Variants in ITFG1 observed in about 807,000 individuals in gnomAD.
The protein encoded by ITFG1 is integrin alpha FG-GAP repeat containing 1, also known as T-cell immunomodulatory protein.
Under a neutral mutation model 81.8 loss-of-function variants are expected in ITFG1, and 34 were observed. The ratio of observed to expected loss-of-function variants is 0.42; its 90% CI spans 0.32 to 0.55. The LOEUF is 0.55. Ranked by LOEUF, ITFG1 falls within the 20% of genes least tolerant of loss-of-function variation. The pLI, the probability that ITFG1 is intolerant of heterozygous loss-of-function variation, is 0.17. For synonymous variants in ITFG1, 285 were observed against 270.6 expected (o/e 1.05, Z -0.52); for missense variants, 672 against 755.4 (o/e 0.89, Z 1.29).
At chr16:47,351,317 G>A (rs918659352) in intron 8 of ITFG1, among the ~76,000 whole-genome samples, 11 of 152,160 alleles carry the variant, frequency 7.2e-5, no homozygotes, top group South Asian at 2.1e-4. Context: ...AAACCCCATC[G>A]TCTCAGCCTA....
At chr16:47,350,646 C>T (rs1967938113) in intron 8 of ITFG1, among the ~76,000 whole-genome samples, 1 of 152,310 alleles carries the variant, frequency 6.6e-6, no homozygotes, top group Admixed American at 6.5e-5. Context: ...CAAGGAGGAG[C>T]TGGTACCATT....
intron 14 of ITFG1, among the ~76,000 whole-genome samples, chr16:47,185,256 C>T (rs1279275594): frequency 2.0e-5 from 3 of 152,180 alleles, no homozygotes; most frequent in Non-Finnish European, 4.4e-5. Flanking sequence ...AGGAATTGAA[C>T]TCAGCTCTGC....
chr16:47,297,497 T>C (rs997974878), intron 10 of ITFG1, among the ~76,000 whole-genome samples: 3 of 152,186 alleles, frequency 2.0e-5, no homozygotes, highest in Admixed American at 6.5e-5. Flanking sequence ...TTAGAATTCC[T>C]TTGAGTATTC....
At chr16:47,438,133 G>A (rs1454150016) in intron 5 of ITFG1, among the ~76,000 whole-genome samples, 1 of 152,208 alleles carries the variant, frequency 6.6e-6, no homozygotes, top group East Asian at 1.9e-4. Flanking sequence ...CGAGGCTGGG[G>A]TAGGGGCGCC....
At chr16:47,457,788 AT>A (rs1969472975) in intron 2 of ITFG1, among the ~76,000 whole-genome samples, 1 of 152,018 alleles carries the variant, frequency 6.6e-6, no homozygotes, top group Admixed American at 6.6e-5. Flanking sequence ...TTAATTTCTA[AT>A]AAAAAAAAAA....
intron 6 of ITFG1, among the ~76,000 whole-genome samples, chr16:47,376,725 C>T (rs191717584): frequency 7.0e-4 from 106 of 152,174 alleles, no homozygotes; most frequent in African/African-American, 1.8e-3. Flanking sequence ...CTGTGGCTCA[C>T]GCCTATAATC....
intron 14 of ITFG1, among the ~76,000 whole-genome samples, chr16:47,175,338 AT>A (rs1227802989): frequency 6.6e-6 from 1 of 150,692 alleles, no homozygotes; most frequent in African/African-American, 2.4e-5. Context: ...AATTAATTAT[AT>A]TAATACATAA....
chr16:47,330,906 T>C (rs901354897), intron 8 of ITFG1, among the ~76,000 whole-genome samples: 39 of 152,248 alleles, frequency 2.6e-4, no homozygotes, highest in African/African-American at 8.2e-4. Context: ...CTGTGGAAAG[T>C]AGCTTGGAGA....
chr16:47,411,550 C>A (rs1469041904), intron 6 of ITFG1, among the ~76,000 whole-genome samples: 1 of 152,146 alleles, frequency 6.6e-6, no homozygotes, highest in Non-Finnish European at 1.5e-5. Flanking sequence ...TGACCTACTG[C>A]ATGAACAGAC....
chr16:47,324,432 C>A (rs567629473), intron 8 of ITFG1, among the ~76,000 whole-genome samples: 91 of 152,196 alleles, frequency 6.0e-4, no homozygotes, highest in Non-Finnish European at 1.1e-3. Flanking sequence ...CATCAACTAA[C>A]AAGCAAAATA....
At chr16:47,222,514 C>T (rs547079258) in intron 13 of ITFG1, among the ~76,000 whole-genome samples, 263 of 151,542 alleles carry the variant, frequency 1.7e-3, no homozygotes, top group Admixed American at 2.4e-3. Flanking sequence ...CCCAGGTTCA[C>T]GCCATTCTCC....
In ITFG1 at chr16:47,454,146, T is replaced by G. The variant is rs1219601499; in HGVS notation, c.294A>C (p.Ala98=). The G allele has an allele frequency of 1.1e-5, 17 of 1,603,228 alleles. No homozygotes were observed. Among genetic ancestry groups the G allele is most frequent in the Non-Finnish European group, 1.4e-5 (16 of 1,173,364 alleles). ...CCCCAGGGACTACACTTGTTATCAATGCACTGTGATTCCTAAAAGAAACAA... is the reference window on the plus strand; with the variant it reads ...CCCCAGGGACTACACTTGTTATCAAGGCACTGTGATTCCTAAAAGAAACAA... ...KVKVSFKNHS[A]LITSVVPGDY... is the part of the protein sequence containing the mutation. Residue 98 remains alanine (A), a synonymous_variant, in exon 3 of 18, where the codon GCA becomes GCC. Coordinates refer to ENST00000320640, the MANE Select transcript of ITFG1 (RefSeq NM_030790.5).
At chr16:47,389,673 G>A (rs980450573) in intron 6 of ITFG1, among the ~76,000 whole-genome samples, 4 of 152,148 alleles carry the variant, frequency 2.6e-5, no homozygotes, top group South Asian at 2.1e-4. Context: ...AAAGAGAATA[G>A]AGCTATAAAC....
At chr16:47,311,441 T>C (rs1484439216) in intron 9 of ITFG1, 29 bp from the exon 10 acceptor site, 4 of 1,488,894 alleles carry the variant, frequency 2.7e-6, no homozygotes, top group Admixed American at 2.2e-5. Flanking sequence ...AGATCAGACT[T>C]TATAGTTATT....
intron 10 of ITFG1, among the ~76,000 whole-genome samples, chr16:47,304,738 A>C (rs1020196792): frequency 3.9e-5 from 6 of 152,172 alleles, no homozygotes; most frequent in African/African-American, 1.4e-4. Context: ...ACACACGATA[A>C]CCACTAGTCT....
At chr16:47,414,377 T>A (rs1968848121) in intron 6 of ITFG1, among the ~76,000 whole-genome samples, 1 of 151,574 alleles carries the variant, frequency 6.6e-6, no homozygotes, top group Admixed American at 6.6e-5. Context: ...TACAAAAAAA[T>A]TAGCTGGGTG....
chr16:47,412,633 T>G (rs1968825991), intron 6 of ITFG1, among the ~76,000 whole-genome samples: 1 of 151,026 alleles, frequency 6.6e-6, no homozygotes, highest in Non-Finnish European at 1.5e-5. Context: ...AGGTGGAGGT[T>G]GCAGTGAGCC....
At chr16:47,423,106 C>T (rs886427490) in intron 6 of ITFG1, among the ~76,000 whole-genome samples, 1 of 152,098 alleles carries the variant, frequency 6.6e-6, no homozygotes, top group Non-Finnish European at 1.5e-5. Flanking sequence ...ATCTGGGTGC[C>T]CCTGTATTGG....
intron 1 of ITFG1, 81 bp downstream of exon 1, chr16:47,460,757 C>T: frequency 2.1e-6 from 3 of 1,433,462 alleles, no homozygotes; most frequent in Admixed American, 1.9e-5. Context: ...GCAGAAGGAC[C>T]GGCCATTGGG....
Sources: allele counts gnomAD v4.1 joint callset (sites outside exome capture counted in the v4.1 genomes callset), GRCh38; gene constraint gnomAD v4.1.1; transcripts MANE v1.5; gene names NCBI Gene and HGNC (gene_info 2026-07-23, HGNC 2026-07-21).